Variants in CSMD1 observed in about 807,000 individuals in gnomAD.
The protein encoded by CSMD1 is CUB and sushi domain-containing protein 1.
CSMD1 carries 213 observed loss-of-function variants against 417.5 expected under a neutral mutation model. The ratio of observed to expected loss-of-function variants is 0.51; its 90% CI spans 0.46 to 0.57. The LOEUF (loss-of-function observed/expected upper bound fraction) is 0.57, where lower values mean the gene tolerates loss of function less well. Among genes scored for constraint, CSMD1 ranks in the 20% least tolerant of loss-of-function variants. The pLI, the probability that CSMD1 is intolerant of heterozygous loss-of-function variation, is 0.00. For missense variants in CSMD1, 6,923 were observed against 4,529.7 expected, an observed-to-expected ratio of 1.53 and a Z score of -15.17; for synonymous variants, 2,862 against 1,736.8, an observed-to-expected ratio of 1.65 and a Z score of -16.11.
At chr8:3,738,656 C>G (rs1007015988) in intron 6 of CSMD1, among the ~76,000 whole-genome samples, 1 of 152,156 alleles carries the variant, frequency 6.6e-6, no homozygotes, top group Admixed American at 6.5e-5. Context: ...TTAGACAGGG[C>G]TTAGATAACA....
At chr8:3,653,535 C>T (rs1025477401) in intron 7 of CSMD1, among the ~76,000 whole-genome samples, 1 of 152,142 alleles carries the variant, frequency 6.6e-6, no homozygotes, top group South Asian at 2.1e-4. Flanking sequence ...TCTCGAACTC[C>T]TGACCTCAAG....
At chr8:4,364,957 G>A (rs1189627215) in intron 3 of CSMD1, among the ~76,000 whole-genome samples, 2 of 151,090 alleles carry the variant, frequency 1.3e-5, no homozygotes, top group African/African-American at 4.8e-5. Context: ...AAACGTGCAA[G>A]GGATTTAATA....
intron 3 of CSMD1, among the ~76,000 whole-genome samples, chr8:4,273,243 A>G (rs1283107051): frequency 6.6e-6 from 1 of 152,178 alleles, no homozygotes; most frequent in Non-Finnish European, 1.5e-5. Flanking sequence ...TAACTTATAA[A>G]AAGGCAATGA....
rs925370302 is a variant in CSMD1 at position 4,510,595 on chromosome 8, C to T, written c.303-90530G>A. Among the ~76,000 whole-genome samples the T allele has an allele frequency of 6.7e-5, 10 of 149,878 alleles. 1 individual carries two copies. The highest frequency in any genetic ancestry group is 2.7e-4 in the Admixed American group (4 of 15,066). On this transcript the variant is annotated intron_variant, in intron 2 of 69. Transcript: ENST00000635120. The stretch of plus-strand genomic sequence containing the variant: ...TCTTCCCTTCCCTCCTCGCTTCCTT[C>T]CTTCTTGCCTTCCTTCCCTCCTCCC...
intron 10 of CSMD1, among the ~76,000 whole-genome samples, chr8:3,521,361 C>A (rs1797501127): frequency 6.6e-6 from 1 of 152,128 alleles, no homozygotes; most frequent in Non-Finnish European, 1.5e-5. Context: ...GCCCTTCTCC[C>A]ATGATGTCAG....
intron 1 of CSMD1, among the ~76,000 whole-genome samples, chr8:4,989,607 A>G (rs1354565537): frequency 6.6e-6 from 1 of 152,246 alleles, no homozygotes; most frequent in Admixed American, 6.5e-5. Context: ...GCTCAACCAG[A>G]AGACATACAA....
At chr8:4,907,395 A>G (rs755641701) in intron 1 of CSMD1, among the ~76,000 whole-genome samples, 15 of 152,260 alleles carry the variant, frequency 9.9e-5, no homozygotes, top group Non-Finnish European at 1.8e-4. Context: ...AAATCCCTCA[A>G]GTATGAATTA....
chr8:3,500,149 G>A (rs1347030207), intron 10 of CSMD1, among the ~76,000 whole-genome samples: 1 of 152,114 alleles, frequency 6.6e-6, no homozygotes, highest in Non-Finnish European at 1.5e-5. Context: ...TCTTTATGCT[G>A]CCATCTTGAG....
intron 2 of CSMD1, among the ~76,000 whole-genome samples, chr8:4,629,052 C>T (rs553451385): frequency 6.6e-6 from 1 of 152,202 alleles, no homozygotes; most frequent in African/African-American, 2.4e-5. Context: ...ATTTACTTAA[C>T]TAGTGAGAGT....
At chr8:4,962,212 AAAAC>A (rs1809544325) in intron 1 of CSMD1, among the ~76,000 whole-genome samples, 1 of 137,842 alleles carries the variant, frequency 7.3e-6, no homozygotes, top group African/African-American at 3.1e-5. Context: ...AAAAAAGAAA[AAAAC>A]AAATATTTGT....
chr8:3,847,249 A>G (rs2954209), intron 5 of CSMD1, among the ~76,000 whole-genome samples: 12,820 of 152,222 alleles, frequency 0.084, 735 homozygotes, highest in East Asian at 0.2. Flanking sequence ...TTGCAGATGT[A>G]GAAAGGTCCC....
At chr8:3,611,835 A>C (rs746223746) in intron 8 of CSMD1, among the ~76,000 whole-genome samples, 53 of 152,140 alleles carry the variant, frequency 3.5e-4, no homozygotes, top group Admixed American at 1.9e-3. Context: ...TGCATATACA[A>C]AAAATTAATT....
intron 1 of CSMD1, among the ~76,000 whole-genome samples, chr8:4,952,453 T>C (rs965065458): frequency 5.3e-5 from 8 of 152,056 alleles, no homozygotes; most frequent in African/African-American, 2.4e-5. Flanking sequence ...GGATTTCAAT[T>C]ACCTATGTCT....
intron 3 of CSMD1, among the ~76,000 whole-genome samples, chr8:4,119,899 T>A (rs1416241042): frequency 6.6e-6 from 1 of 152,142 alleles, no homozygotes; most frequent in Non-Finnish European, 1.5e-5. Context: ...GTTGCCGGAG[T>A]CTGGTAAGGG....
intron 3 of CSMD1, among the ~76,000 whole-genome samples, chr8:4,049,315 C>G (rs1173935370): frequency 6.6e-6 from 1 of 151,936 alleles, no homozygotes; most frequent in Non-Finnish European, 1.5e-5. Context: ...TGCAACATCT[C>G]TGGCCTCTAT....
intron 2 of CSMD1, among the ~76,000 whole-genome samples, chr8:4,458,275 T>G (rs781246232): frequency 2.6e-5 from 4 of 152,112 alleles, no homozygotes; most frequent in Non-Finnish European, 4.4e-5. Flanking sequence ...AAAATGACAC[T>G]CAATGAGAAA....
At chr8:4,232,250 G>C (rs1435441199) in intron 3 of CSMD1, among the ~76,000 whole-genome samples, 2 of 152,108 alleles carry the variant, frequency 1.3e-5, no homozygotes, top group African/African-American at 4.8e-5. Flanking sequence ...CCAGGCTGTA[G>C]TGCAGTGGCA....
intron 1 of CSMD1, among the ~76,000 whole-genome samples, chr8:4,822,165 C>G (rs563924437): frequency 6.6e-6 from 1 of 152,228 alleles, no homozygotes; most frequent in South Asian, 2.1e-4. Context: ...GAATTTACTT[C>G]TGTGACTGTG....
chr8:3,289,778 C>T lies in CSMD1; in HGVS notation c.3951-5432G>A, dbSNP rs566907193. Among the ~76,000 whole-genome samples, 362 of 147,212 alleles carry T rather than the reference C, an allele frequency of 2.5e-3. 64 individuals carry two copies. The highest frequency in any genetic ancestry group is 9.1e-3 in the African/African-American group (336 of 37,018). ...TAATTTTCTCCCATTCTGTAGGTTG[C>T]CTGTTCACTCTGATGGTAGTTTCTT... is the stretch of plus-strand genomic sequence containing the variant. On this transcript the variant is annotated intron_variant, in intron 25 of 69. Coordinates refer to ENST00000635120, the MANE Select transcript of CSMD1 (RefSeq NM_033225.6).
Sources: gnomAD v4.1 joint callset for allele counts (sites outside exome capture counted in the v4.1 genomes callset) on GRCh38, gnomAD v4.1.1 for gene constraint, MANE v1.5 for transcripts, NCBI Gene and HGNC (gene_info 2026-07-23, HGNC 2026-07-21) for gene names.